Variants in SPOCK1 observed in about 807,000 individuals in gnomAD.
SPOCK1 encodes testican-1.
In SPOCK1, 23 loss-of-function variants were observed where a neutral mutation model predicts 55.3. The observed-to-expected ratio is 0.42, with a 90% CI of 0.30 to 0.59. SPOCK1 has a LOEUF of 0.59. Ranked by LOEUF, SPOCK1 falls within the 20% of genes least tolerant of loss-of-function variation. The pLI is 0.22. For missense variants in SPOCK1, 499 were observed against 552.5 expected (o/e 0.90, Z 0.97); for synonymous variants, 226 against 221.0 (o/e 1.02, Z -0.20).
At position 137,372,643 on chromosome 5, in the gene SPOCK1, G is replaced by A. The variant is rs150613341; in HGVS notation, c.187-105588C>T. On this transcript the variant is annotated intron_variant, in intron 2 of 10. Transcript: ENST00000394945. Reference sequence around the variant, plus strand: ...AATTCCAAGAAAGGGTAAAGAGAGTGTTAAAGAGATTAGATACAATTAGGT... The same window carrying A: ...AATTCCAAGAAAGGGTAAAGAGAGTATTAAAGAGATTAGATACAATTAGGT... Among the ~76,000 whole-genome samples, 3 of 152,326 alleles carry A rather than the reference G, an allele frequency of 2.0e-5. No homozygotes were observed. In the East Asian group the frequency reaches 5.8e-4, roughly 29 times the overall value.
chr5:137,149,204 G>A (rs941653629), intron 3 of SPOCK1, among the ~76,000 whole-genome samples: 9 of 152,162 alleles, frequency 5.9e-5, no homozygotes, highest in East Asian at 5.8e-4. Flanking sequence ...TGAAGTGTGC[G>A]TATGTTCCAC....
Position 136,993,855 on chromosome 5 carries a change from C to T in SPOCK1, c.590-1255G>A, listed in dbSNP as rs531799420. On this transcript the variant is annotated intron_variant, in intron 6 of 10. Transcript: ENST00000394945. ...AAACTCCAAGCTAGCCTTCAACCAACGCAGGACCTGATTGAATTAAGGTGA... is the reference window on the plus strand; with the variant it reads ...AAACTCCAAGCTAGCCTTCAACCAATGCAGGACCTGATTGAATTAAGGTGA... Among the ~76,000 whole-genome samples, 17 of 152,282 alleles carry T rather than the reference C, an allele frequency of 1.1e-4. No homozygotes were observed. In the South Asian group the frequency reaches 2.7e-3, roughly 24 times the overall value.
chr5:137,429,804 C>G (rs1039351266), intron 2 of SPOCK1, among the ~76,000 whole-genome samples: 3 of 152,198 alleles, frequency 2.0e-5, no homozygotes, highest in Admixed American at 6.5e-5. Context: ...AGGAGAAAAA[C>G]TAAACTGTGG....
intron 2 of SPOCK1, among the ~76,000 whole-genome samples, chr5:137,415,826 C>A (rs35091372): frequency 0.08 from 12,228 of 152,206 alleles, 1,249 homozygotes; most frequent in African/African-American, 0.24. Flanking sequence ...AATACATTAG[C>A]TGTCACTGTT....
intron 3 of SPOCK1, among the ~76,000 whole-genome samples, chr5:137,146,887 G>T (rs1474102668): frequency 6.6e-6 from 1 of 152,166 alleles, no homozygotes; most frequent in Non-Finnish European, 1.5e-5. Context: ...ATAAAGGTTG[G>T]ACTCATGCAT....
chr5:137,420,637 G>A (rs1015111126), intron 2 of SPOCK1, among the ~76,000 whole-genome samples: 11 of 152,152 alleles, frequency 7.2e-5, no homozygotes, highest in African/African-American at 2.2e-4. Flanking sequence ...GGGATCAGTC[G>A]TGATATCCCC....
At chr5:137,422,248 T>C (rs1243131475) in intron 2 of SPOCK1, among the ~76,000 whole-genome samples, 1 of 152,212 alleles carries the variant, frequency 6.6e-6, no homozygotes, top group Non-Finnish European at 1.5e-5. Context: ...TTGGTGAATC[T>C]GACAATTATG....
At chr5:137,174,853 C>G (rs1256294548) in intron 3 of SPOCK1, among the ~76,000 whole-genome samples, 1 of 152,120 alleles carries the variant, frequency 6.6e-6, no homozygotes, top group African/African-American at 2.4e-5. Context: ...GGTCCAGAAC[C>G]CATGGGAAAG....
chr5:137,016,310 G>T (rs982930529), intron 6 of SPOCK1, among the ~76,000 whole-genome samples: 2 of 152,172 alleles, frequency 1.3e-5, no homozygotes, highest in Non-Finnish European at 2.9e-5. Flanking sequence ...CAGAATAAAT[G>T]AAGGTCATGC....
At chr5:137,266,346 G>A (rs879861049) in intron 3 of SPOCK1, among the ~76,000 whole-genome samples, 9 of 152,276 alleles carry the variant, frequency 5.9e-5, no homozygotes, top group Admixed American at 3.9e-4. Context: ...ATGGAACAAC[G>A]GGGGAAGGGA....
chr5:137,055,289 G>A (rs970565015), intron 6 of SPOCK1, among the ~76,000 whole-genome samples: 1 of 152,176 alleles, frequency 6.6e-6, no homozygotes, highest in Admixed American at 6.5e-5. Flanking sequence ...AATGCCAGCT[G>A]GCTGGATGGA....
At chr5:137,129,492 A>G (rs1480713522) in intron 4 of SPOCK1, among the ~76,000 whole-genome samples, 2 of 152,118 alleles carry the variant, frequency 1.3e-5, no homozygotes, top group Admixed American at 1.3e-4. Flanking sequence ...GAGGCTAGGG[A>G]TTTTATGGAT....
intron 2 of SPOCK1, among the ~76,000 whole-genome samples, chr5:137,474,520 C>T (rs1275570789): frequency 1.3e-5 from 2 of 152,174 alleles, no homozygotes; most frequent in East Asian, 1.9e-4. Flanking sequence ...CTGATAGCGA[C>T]CTGCACACCC....
chr5:137,421,852 G>A lies in SPOCK1; in HGVS notation c.186+76521C>T, dbSNP rs141585211. ...TGATCCTGTCGTTATGATGTTAGCT[G>A]GTTATTTTGCTCGTTAGTTGATGCA... On this transcript the variant is annotated intron_variant, in intron 2 of 10. Coordinates refer to ENST00000394945, the MANE Select transcript of SPOCK1 (RefSeq NM_004598.4). Among the ~76,000 whole-genome samples the A allele has an allele frequency of 7.9e-3, 1,202 of 152,290 alleles. 10 individuals carry two copies. The highest frequency in any genetic ancestry group is 0.014 in the Non-Finnish European group (921 of 68,028).
At chr5:137,358,063 C>T (rs1750856622) in intron 2 of SPOCK1, among the ~76,000 whole-genome samples, 1 of 152,084 alleles carries the variant, frequency 6.6e-6, no homozygotes, top group Middle Eastern at 3.2e-3. Context: ...GTACCAGTCA[C>T]TGCAAATCCT....
intron 2 of SPOCK1, among the ~76,000 whole-genome samples, chr5:137,332,567 G>T (rs1758206668): frequency 6.6e-6 from 1 of 152,224 alleles, no homozygotes; most frequent in Non-Finnish European, 1.5e-5. Flanking sequence ...CACCATGGAT[G>T]CTTCTCCACT....
At chr5:137,281,832 G>A (rs1244627693) in intron 2 of SPOCK1, among the ~76,000 whole-genome samples, 1 of 152,198 alleles carries the variant, frequency 6.6e-6, no homozygotes, top group Non-Finnish European at 1.5e-5. Flanking sequence ...CACAGCCTCG[G>A]ATGTCCGTTT....
chr5:137,128,714 T>C (rs1753821885), intron 4 of SPOCK1, among the ~76,000 whole-genome samples: 1 of 152,200 alleles, frequency 6.6e-6, no homozygotes, highest in Admixed American at 6.5e-5. Context: ...TGAGCCAGTG[T>C]CCTCATATGC....
intron 2 of SPOCK1, among the ~76,000 whole-genome samples, chr5:137,358,169 G>A (rs1026114906): frequency 1.6e-4 from 24 of 152,064 alleles, no homozygotes; most frequent in Middle Eastern, 3.4e-3. Flanking sequence ...TGGCTGCTAT[G>A]TGTCCATGAG....
Sources: allele counts gnomAD v4.1 joint callset (sites outside exome capture counted in the v4.1 genomes callset), GRCh38; gene constraint gnomAD v4.1.1; transcripts MANE v1.5; gene names NCBI Gene and HGNC (gene_info 2026-07-23, HGNC 2026-07-21).